Variants in GRIP1 observed in about 807,000 individuals in gnomAD.
GRIP1 encodes glutamate receptor-interacting protein 1.
Under a neutral mutation model 129.9 loss-of-function variants are expected in GRIP1, and 45 were observed. The observed-to-expected ratio is 0.35, with a 90% CI of 0.27 to 0.44. The LOEUF (loss-of-function observed/expected upper bound fraction) is 0.44, where lower values mean the gene tolerates loss of function less well. Ranked by LOEUF, GRIP1 falls within the 20% of genes least tolerant of loss-of-function variation. GRIP1 has a pLI of 1.00. For missense variants in GRIP1, 1,196 were observed against 1,396.8 expected, an observed-to-expected ratio of 0.86 and a Z score of 2.29; for synonymous variants, 530 against 520.8, an observed-to-expected ratio of 1.02 and a Z score of -0.24.
chr12:66,590,832 C>T (rs1592611632), intron 2 of GRIP1, among the ~76,000 whole-genome samples: 2 of 152,162 alleles, frequency 1.3e-5, no homozygotes, highest in Admixed American at 1.3e-4. Flanking sequence ...TTGGGTGGAG[C>T]TTCAAGGCCA....
intron 7 of GRIP1, among the ~76,000 whole-genome samples, chr12:66,509,093 A>G (rs17102580): frequency 0.31 from 47,064 of 152,094 alleles, 7,413 homozygotes; most frequent in Middle Eastern, 0.39. Flanking sequence ...TCTAAGCAAA[A>G]TAAGTATTCC....
At chr12:66,531,201 A>C (rs1430800986) in intron 4 of GRIP1, among the ~76,000 whole-genome samples, 3 of 144,904 alleles carry the variant, frequency 2.1e-5, no homozygotes, top group Admixed American at 7.1e-5. Flanking sequence ...GTGCCACTGC[A>C]CTCCAGCCTG....
At chr12:66,831,533 T>C (rs2039517892) in intron 1 of GRIP1, among the ~76,000 whole-genome samples, 1 of 152,178 alleles carries the variant, frequency 6.6e-6, no homozygotes, top group South Asian at 2.1e-4. Flanking sequence ...AGCTAATGAG[T>C]ATATGCTTTA....
At chr12:66,667,729 T>C (rs955447043) in intron 1 of GRIP1, among the ~76,000 whole-genome samples, 3 of 152,116 alleles carry the variant, frequency 2.0e-5, no homozygotes, top group Non-Finnish European at 2.9e-5. Flanking sequence ...TACAGATCCA[T>C]GAATTTCTTA....
chr12:66,413,422 A>G (rs1180082695), intron 15 of GRIP1, among the ~76,000 whole-genome samples: 1 of 152,188 alleles, frequency 6.6e-6, no homozygotes. Context: ...CAAAGAGACC[A>G]ACAACCAGTT....
At chr12:66,960,560 G>A (rs542790572) in intron 1 of GRIP1, among the ~76,000 whole-genome samples, 88 of 152,238 alleles carry the variant, frequency 5.8e-4, no homozygotes, top group African/African-American at 1.9e-3. Context: ...GTTCATGAGC[G>A]TGTTAACATA....
intron 1 of GRIP1, among the ~76,000 whole-genome samples, chr12:66,940,243 C>T (rs1385943513): frequency 6.6e-6 from 1 of 152,126 alleles, no homozygotes; most frequent in Non-Finnish European, 1.5e-5. Context: ...ACTCCTATTG[C>T]TTATTAAATT....
At chr12:66,507,945 G>C (rs2138847224) in intron 7 of GRIP1, among the ~76,000 whole-genome samples, 1 of 152,208 alleles carries the variant, frequency 6.6e-6, no homozygotes, top group Admixed American at 6.5e-5. Context: ...TAACACTGTA[G>C]GGCATTTCTA....
rs144619310 is a variant in GRIP1, at chr12:67,034,574, C to T, written c.58+34476G>A. On this transcript the variant is annotated intron_variant, in intron 1 of 1. Transcript: ENST00000643019. ...AAAAAAATGGAACACCTATGTAAGG[C>T]ACTTGCCATGAATGGTGCTTGCAGG... 1.4e-4 allele frequency among the ~76,000 whole-genome samples: 22 copies of T among 152,314 alleles called. No individual in the cohort carries two copies. In the East Asian group the frequency reaches 3.5e-3, roughly 24 times the overall value.
At chr12:66,994,794 AATC>A (rs1204903014) in intron 1 of GRIP1, among the ~76,000 whole-genome samples, 2 of 152,220 alleles carry the variant, frequency 1.3e-5, no homozygotes, top group African/African-American at 4.8e-5. Context: ...GATTTAAAAT[AATC>A]ATTATCAAAA....
At chr12:66,792,394 A>G (rs1592850695) in intron 1 of GRIP1, among the ~76,000 whole-genome samples, 1 of 152,180 alleles carries the variant, frequency 6.6e-6, no homozygotes, top group East Asian at 1.9e-4. Flanking sequence ...GGAACGCACC[A>G]CTATGACTGG....
chr12:66,578,608 C>T (rs1261986440), intron 2 of GRIP1, among the ~76,000 whole-genome samples: 1 of 152,166 alleles, frequency 6.6e-6, no homozygotes, highest in African/African-American at 2.4e-5. Flanking sequence ...AGATTATATC[C>T]CGCACCTGGC....
chr12:66,744,741 T>G (rs2036892218), intron 1 of GRIP1, among the ~76,000 whole-genome samples: 2 of 152,266 alleles, frequency 1.3e-5, no homozygotes, highest in South Asian at 4.1e-4. Context: ...TACAACCCAG[T>G]GCCGCCCAGC....
intron 7 of GRIP1, among the ~76,000 whole-genome samples, chr12:66,474,068 G>C (rs1788160571): frequency 6.6e-6 from 1 of 152,018 alleles, no homozygotes; most frequent in African/African-American, 2.4e-5. Flanking sequence ...CCAATGCAAG[G>C]AAGCTAAGAA....
At chr12:66,612,898 T>C (rs1414692654) in intron 1 of GRIP1, among the ~76,000 whole-genome samples, 2 of 152,114 alleles carry the variant, frequency 1.3e-5, no homozygotes, top group Non-Finnish European at 2.9e-5. Context: ...ATGAAGATTT[T>C]TAAAAGAATG....
chr12:67,038,083 G>T (rs1247719687), intron 1 of GRIP1, among the ~76,000 whole-genome samples: 17 of 152,164 alleles, frequency 1.1e-4, no homozygotes, highest in Non-Finnish European at 1.5e-5. Context: ...TATAACTGTT[G>T]TCTGACTATC....
At chr12:66,951,707 C>T (rs1369419745) in intron 1 of GRIP1, among the ~76,000 whole-genome samples, 1 of 152,208 alleles carries the variant, frequency 6.6e-6, no homozygotes, top group Non-Finnish European at 1.5e-5. Context: ...CAAGACTCTG[C>T]TAGCTTAGCC....
At chr12:66,918,255 A>G (rs2041159186) in intron 1 of GRIP1, among the ~76,000 whole-genome samples, 1 of 152,136 alleles carries the variant, frequency 6.6e-6, no homozygotes, top group Non-Finnish European at 1.5e-5. Context: ...GTAGAAAAAA[A>G]AAGGTGATGT....
intron 9 of GRIP1, among the ~76,000 whole-genome samples, chr12:66,457,624 T>C (rs539617151): frequency 9.9e-5 from 15 of 152,224 alleles, no homozygotes; most frequent in Admixed American, 9.2e-4. Flanking sequence ...CAAGTGAATA[T>C]GTAGAGAGGT....
Sources: gnomAD v4.1 joint callset for allele counts (sites outside exome capture counted in the v4.1 genomes callset) on GRCh38, gnomAD v4.1.1 for gene constraint, MANE v1.5 for transcripts, NCBI Gene and HGNC (gene_info 2026-07-23, HGNC 2026-07-21) for gene names.